Variants in CTNNA2 observed in about 807,000 individuals in gnomAD.
The protein encoded by CTNNA2 is catenin alpha 2.
In CTNNA2, 42 loss-of-function variants were observed where a neutral mutation model predicts 101.0. The observed-to-expected ratio is 0.42, with a 90% CI of 0.32 to 0.54. The LOEUF is 0.54. Among genes scored for constraint, CTNNA2 ranks in the 20% least tolerant of loss-of-function variants. The pLI is 0.14. For missense variants in CTNNA2, 871 were observed against 1,223.1 expected, an observed-to-expected ratio of 0.71 and a Z score of 4.29; for synonymous variants, 450 against 456.4, an observed-to-expected ratio of 0.99 and a Z score of 0.18.
intron 7 of CTNNA2, among the ~76,000 whole-genome samples, chr2:80,220,241 A>G (rs1708500328): frequency 6.6e-6 from 1 of 152,212 alleles, no homozygotes; most frequent in Non-Finnish European, 1.5e-5. Flanking sequence ...ACTTGGAAAG[A>G]AGCTACACAA....
chr2:80,622,136 C>A (rs1477479594), intron 18 of CTNNA2, among the ~76,000 whole-genome samples: 1 of 151,910 alleles, frequency 6.6e-6, no homozygotes, highest in Non-Finnish European at 1.5e-5. Context: ...TCCCCTAAAT[C>A]ATATGCTGAC....
chr2:80,638,516 A>C (rs1157289771), intron 18 of CTNNA2, among the ~76,000 whole-genome samples: 2 of 152,184 alleles, frequency 1.3e-5, no homozygotes, highest in African/African-American at 2.4e-5. Flanking sequence ...GACTACCTGG[A>C]TAAACAGGTG....
rs1030661563 is a variant in CTNNA2 at position 79,213,138 on chromosome 2, C to A, written c.-406+15062C>A. ...TCAGCAGGGGAGTAGGTGGGAGTGG[C>A]CAGATGAGAAGGAGAAAAACTGAAA... is the stretch of plus-strand genomic sequence containing the variant. On this transcript the variant is annotated intron_variant, in intron 2 of 21. Coordinates refer to the CTNNA2 transcript ENST00000466387. Among the ~76,000 whole-genome samples the A allele has an allele frequency of 5.3e-5, 8 of 151,958 alleles. No individual in the cohort carries two copies. In the South Asian group the frequency reaches 1.2e-3, roughly 24 times the overall value.
intron 2 of CTNNA2, among the ~76,000 whole-genome samples, chr2:79,276,481 A>G (rs1255188849): frequency 6.6e-6 from 1 of 152,102 alleles, no homozygotes; most frequent in African/African-American, 2.4e-5. Flanking sequence ...ATAAAAAGTA[A>G]ATCATTTTGC....
chr2:79,805,046 A>G (rs1676463265), intron 3 of CTNNA2, among the ~76,000 whole-genome samples: 1 of 152,144 alleles, frequency 6.6e-6, no homozygotes, highest in Non-Finnish European at 1.5e-5. Flanking sequence ...GAAGTGCATT[A>G]TTAATTGAAC....
chr2:79,772,742 A>T (rs1033172590), intron 3 of CTNNA2, among the ~76,000 whole-genome samples: 2 of 152,054 alleles, frequency 1.3e-5, no homozygotes, highest in Non-Finnish European at 1.5e-5. Flanking sequence ...TTTAAAAAAA[A>T]TGTGTAGAGA....
intron 7 of CTNNA2, among the ~76,000 whole-genome samples, chr2:80,030,246 AG>A (rs1269219707): frequency 6.6e-6 from 1 of 151,152 alleles, no homozygotes; most frequent in Non-Finnish European, 1.5e-5. Context: ...AAAAAAAAAA[AG>A]ATGTTAAAAG....
At chr2:80,016,677 C>T (rs560100667) in intron 7 of CTNNA2, among the ~76,000 whole-genome samples, 1 of 152,278 alleles carries the variant, frequency 6.6e-6, no homozygotes, top group South Asian at 2.1e-4. Flanking sequence ...CAAATAATAA[C>T]TAACTCCTTT....
At chr2:79,989,217 C>T (rs979737486) in intron 7 of CTNNA2, among the ~76,000 whole-genome samples, 19 of 152,244 alleles carry the variant, frequency 1.2e-4, no homozygotes, top group South Asian at 1.0e-3. Flanking sequence ...ACAAACATTT[C>T]AAAGGAAACA....
chr2:79,204,502 A>G (rs1674077326), intron 2 of CTNNA2, among the ~76,000 whole-genome samples: 1 of 152,216 alleles, frequency 6.6e-6, no homozygotes, highest in Non-Finnish European at 1.5e-5. Flanking sequence ...AAGACTCTGT[A>G]AAATCTCATT....
At chr2:79,591,079 A>T (rs893734855) in intron 1 of CTNNA2, among the ~76,000 whole-genome samples, 2 of 152,192 alleles carry the variant, frequency 1.3e-5, no homozygotes, top group African/African-American at 2.4e-5. Flanking sequence ...ACAAATTCAA[A>T]TGTCCAGGCT....
chr2:80,116,431 G>A (rs1701527074), intron 7 of CTNNA2, among the ~76,000 whole-genome samples: 1 of 151,236 alleles, frequency 6.6e-6, no homozygotes, highest in South Asian at 2.1e-4. Context: ...TAGAAAGATA[G>A]CACTCTTTTA....
At chr2:79,473,517 A>G (rs983486901) in intron 4 of CTNNA2, among the ~76,000 whole-genome samples, 9 of 152,128 alleles carry the variant, frequency 5.9e-5, no homozygotes, top group African/African-American at 2.2e-4. Context: ...ATGGGAAAAA[A>G]TGTACATTAC....
chr2:79,503,002 C>T (rs1671336941), intron 4 of CTNNA2, among the ~76,000 whole-genome samples: 1 of 152,136 alleles, frequency 6.6e-6, no homozygotes, highest in Non-Finnish European at 1.5e-5. Context: ...TGACTACCAT[C>T]CTTGCTGTGT....
At chr2:80,119,031 AG>A (rs1340338194) in intron 7 of CTNNA2, among the ~76,000 whole-genome samples, 4 of 152,232 alleles carry the variant, frequency 2.6e-5, no homozygotes, top group African/African-American at 9.6e-5. Context: ...TAGAGGTGTT[AG>A]GATGGAAGCA....
intron 9 of CTNNA2, among the ~76,000 whole-genome samples, chr2:80,496,842 T>C (rs934252256): frequency 6.6e-6 from 1 of 152,218 alleles, no homozygotes; most frequent in Non-Finnish European, 1.5e-5. Flanking sequence ...ATCCTGGACA[T>C]TTTAAGACTT....
chr2:79,894,552 G>A (rs1684568428), intron 6 of CTNNA2, among the ~76,000 whole-genome samples: 1 of 152,066 alleles, frequency 6.6e-6, no homozygotes, highest in East Asian at 1.9e-4. Context: ...GTAATGAACT[G>A]TTTATCATTT....
intron 3 of CTNNA2, among the ~76,000 whole-genome samples, chr2:79,828,344 A>G (rs750633170): frequency 6.6e-6 from 1 of 152,214 alleles, no homozygotes; most frequent in African/African-American, 2.4e-5. Flanking sequence ...ATGACATTTT[A>G]TTTTTGTCCA....
intron 6 of CTNNA2, among the ~76,000 whole-genome samples, chr2:79,875,182 G>A (rs6707690): frequency 0.23 from 34,792 of 152,042 alleles, 4,531 homozygotes; most frequent in Non-Finnish European, 0.3. Context: ...TGTTCACTGT[G>A]CTGAGCCATA....
Sources: gnomAD v4.1 joint callset for allele counts (sites outside exome capture counted in the v4.1 genomes callset) on GRCh38, gnomAD v4.1.1 for gene constraint, MANE v1.5 for transcripts, NCBI Gene and HGNC (gene_info 2026-07-23, HGNC 2026-07-21) for gene names.